Variants in ARK2N observed in about 807,000 individuals in gnomAD.
ARK2N encodes the protein arkadia (RNF111) N-terminal like PKA signaling regulator 2N, also known as protein ARK2N.
At chr18:46,255,616 T>A in the ARK2N span, among the ~76,000 whole-genome samples, 1 of 151,838 alleles carries the variant, frequency 6.6e-6, no homozygotes, top group African/African-American at 2.4e-5. Flanking sequence ...CACGCTCCGC[T>A]AATTTTGTAT....
the ARK2N span, among the ~76,000 whole-genome samples, chr18:46,223,537 G>T: frequency 6.6e-6 from 1 of 152,166 alleles, no homozygotes; most frequent in Non-Finnish European, 1.5e-5. Context: ...TGAGACAGGG[G>T]AAACTTCTCT....
chr18:46,213,015 T>C, the ARK2N span, among the ~76,000 whole-genome samples: 2,517 of 142,582 alleles, frequency 0.018, 97 homozygotes, highest in African/African-American at 0.063. Context: ...TTTTTTTTTT[T>C]TTTGGAGACT....
the ARK2N span, among the ~76,000 whole-genome samples, chr18:46,180,821 A>G: frequency 6.6e-6 from 1 of 152,242 alleles, no homozygotes; most frequent in Non-Finnish European, 1.5e-5. Flanking sequence ...GAGAAGAGAA[A>G]GTAGATTATA....
chr18:46,257,905 A>C, the ARK2N span, among the ~76,000 whole-genome samples: 1 of 149,062 alleles, frequency 6.7e-6, no homozygotes, highest in Non-Finnish European at 1.5e-5. Flanking sequence ...TTTGAGACTC[A>C]TTGCTTCATA....
the ARK2N span, among the ~76,000 whole-genome samples, chr18:46,255,797 ATAATTT>A: frequency 1.3e-5 from 2 of 151,598 alleles, no homozygotes; most frequent in Non-Finnish European, 2.9e-5. Context: ...CCGGTGGGAA[ATAATTT>A]TTATTTTTCA....
chr18:46,243,672 A>C, the ARK2N span, among the ~76,000 whole-genome samples: 1 of 152,174 alleles, frequency 6.6e-6, no homozygotes, highest in African/African-American at 2.4e-5. Flanking sequence ...GCTTTTTTTA[A>C]GTTGATGCTG....
chr18:46,230,012 A>G, the ARK2N span, among the ~76,000 whole-genome samples: 2,955 of 151,906 alleles, frequency 0.019, 76 homozygotes, highest in African/African-American at 0.061. Flanking sequence ...CTGAACCTCC[A>G]CTTCCTGGGT....
At chr18:46,183,627 G>A in the ARK2N span, among the ~76,000 whole-genome samples, 2 of 151,970 alleles carry the variant, frequency 1.3e-5, 1 homozygote, top group Admixed American at 1.3e-4. Flanking sequence ...TCTTTCTTTT[G>A]AGGATTAAGG....
the ARK2N span, among the ~76,000 whole-genome samples, chr18:46,255,310 G>A: frequency 0.024 from 3,685 of 152,160 alleles, 56 homozygotes; most frequent in Non-Finnish European, 0.036. Flanking sequence ...TTCAGAACTA[G>A]TCTTGTCCTA....
chr18:46,224,898 G>A, the ARK2N span, among the ~76,000 whole-genome samples: 4,364 of 152,288 alleles, frequency 0.029, 194 homozygotes, highest in African/African-American at 0.099. Context: ...AAGCAATAAT[G>A]TTTTATGAAA....
chr18:46,223,540 A>T, the ARK2N span, among the ~76,000 whole-genome samples: 1 of 152,140 alleles, frequency 6.6e-6, no homozygotes, highest in African/African-American at 2.4e-5. Flanking sequence ...GACAGGGGAA[A>T]CTTCTCTTTG....
the ARK2N span, among the ~76,000 whole-genome samples, chr18:46,208,194 G>A: frequency 1.3e-5 from 2 of 151,976 alleles, no homozygotes; most frequent in Non-Finnish European, 2.9e-5. Context: ...CACTTTCCTA[G>A]TACTGTTTCA....
chr18:46,245,413 A>G, the ARK2N span, among the ~76,000 whole-genome samples: 1 of 152,090 alleles, frequency 6.6e-6, no homozygotes, highest in Non-Finnish European at 1.5e-5. Context: ...TAAAAAAAAT[A>G]CAAAAATTAG....
At chr18:46,207,388 C>CTTTTTT in the ARK2N span, among the ~76,000 whole-genome samples, 3 of 115,918 alleles carry the variant, frequency 2.6e-5, no homozygotes, top group Non-Finnish European at 3.5e-5. Context: ...AGTTTCTATA[C>CTTTTTT]TTTTTTTTTT....
At chr18:46,230,327 C>T in the ARK2N span, among the ~76,000 whole-genome samples, 1 of 152,182 alleles carries the variant, frequency 6.6e-6, no homozygotes, top group Non-Finnish European at 1.5e-5. Context: ...ATGTATAGTA[C>T]TAATAATAGT....
chr18:46,222,991 A>G, the ARK2N span, among the ~76,000 whole-genome samples: 1 of 152,208 alleles, frequency 6.6e-6, no homozygotes, highest in Non-Finnish European at 1.5e-5. Flanking sequence ...TGTCTTGCTT[A>G]TCAGTGATTA....
chr18:46,215,639 G>A, the ARK2N span, among the ~76,000 whole-genome samples: 2 of 152,030 alleles, frequency 1.3e-5, no homozygotes, highest in Non-Finnish European at 2.9e-5. Context: ...GATTTTGACC[G>A]TATTAAGTCC....
the ARK2N span, among the ~76,000 whole-genome samples, chr18:46,200,424 C>CAG: frequency 6.6e-6 from 1 of 152,174 alleles, no homozygotes; most frequent in Non-Finnish European, 1.5e-5. Flanking sequence ...TCTCCTGCCT[C>CAG]AGCCTCCTCA....
the ARK2N span, chr18:46,253,820 C>T: frequency 3.7e-6 from 6 of 1,607,496 alleles, no homozygotes; most frequent in Non-Finnish European, 5.1e-6. Flanking sequence ...CAGGAACATG[C>T]AAGGTAGGAT....
Sources: allele counts gnomAD v4.1 joint callset (sites outside exome capture counted in the v4.1 genomes callset), GRCh38; gene constraint gnomAD v4.1.1; transcripts MANE v1.5; gene names NCBI Gene and HGNC (gene_info 2026-07-23, HGNC 2026-07-21).